Variants in ACTR3C observed in about 807,000 individuals in gnomAD.
The protein encoded by ACTR3C is actin related protein 3C.
ACTR3C carries 18 observed loss-of-function variants against 26.3 expected under a neutral mutation model. That is an observed-to-expected ratio of 0.68 (90% CI 0.47 to 1.01). The LOEUF (loss-of-function observed/expected upper bound fraction) is 1.01. Ranked by LOEUF, ACTR3C falls within the 50% of genes least tolerant of loss-of-function variation. ACTR3C has a pLI of 0.00. For synonymous variants in ACTR3C, 55 were observed against 94.5 expected (o/e 0.58, Z 2.42); for missense variants, 184 against 250.7 (o/e 0.73, Z 1.80).
At chr7:150,038,030 C>G in the ACTR3C span, among the ~76,000 whole-genome samples, 3 of 135,120 alleles carry the variant, frequency 2.2e-5, no homozygotes, top group Non-Finnish European at 3.2e-5. Flanking sequence ...ATGGTGGTCC[C>G]AAGAGCCATG....
At position 150,263,107 on chromosome 7, in the gene ACTR3C, G is replaced by A. The variant is rs549854754; in HGVS notation, c.565-14053C>T. Among the ~76,000 whole-genome samples, 5 of 152,096 alleles carry A rather than the reference G, an allele frequency of 3.3e-5. No individual in the cohort carries two copies. In the South Asian group the frequency reaches 6.3e-4, roughly 19 times the overall value. ...TATTTAGAGAAAACAGTAGGAAGTC[G>A]GAAGAGATGAGCACATTAAAGAAAT... On this transcript the variant is annotated intron_variant, in intron 6 of 7. Coordinates refer to ENST00000683684, the MANE Select transcript of ACTR3C (RefSeq NM_001164458.2).
the ACTR3C span, among the ~76,000 whole-genome samples, chr7:150,172,824 G>A: frequency 6.6e-6 from 1 of 150,640 alleles, no homozygotes; most frequent in Admixed American, 6.6e-5. Context: ...AAAGAAAGTG[G>A]TTACAGGGCC....
At chr7:150,209,871 A>G in the ACTR3C span, among the ~76,000 whole-genome samples, 1 of 147,062 alleles carries the variant, frequency 6.8e-6, no homozygotes, top group Non-Finnish European at 1.5e-5. Flanking sequence ...GTGGGCCGAG[A>G]TTGGGCCACT....
At chr7:150,115,660 T>G in the ACTR3C span, among the ~76,000 whole-genome samples, 1 of 152,256 alleles carries the variant, frequency 6.6e-6, no homozygotes, top group Non-Finnish European at 1.5e-5. Flanking sequence ...TCTTGAAACA[T>G]GGACCTCCAC....
chr7:150,091,857 G>C, the ACTR3C span, among the ~76,000 whole-genome samples: 1 of 150,314 alleles, frequency 6.7e-6, no homozygotes, highest in African/African-American at 2.4e-5. Context: ...GCGTGGTGGC[G>C]GGCGCCTGTA....
chr7:150,059,606 G>A, the ACTR3C span, among the ~76,000 whole-genome samples: 6 of 152,180 alleles, frequency 3.9e-5, no homozygotes, highest in African/African-American at 1.4e-4. Context: ...AAGGACAGAG[G>A]AGGAGGGAGA....
chr7:149,886,332 T>C, the ACTR3C span, among the ~76,000 whole-genome samples: 7 of 152,234 alleles, frequency 4.6e-5, no homozygotes, highest in Non-Finnish European at 1.0e-4. Flanking sequence ...TTTTTGTGTT[T>C]CCTGTCGAAT....
At chr7:149,960,490 G>A in the ACTR3C span, among the ~76,000 whole-genome samples, 1 of 152,138 alleles carries the variant, frequency 6.6e-6, no homozygotes, top group Non-Finnish European at 1.5e-5. Flanking sequence ...ATGTCTCCTA[G>A]GGAGAGGAAG....
the ACTR3C span, among the ~76,000 whole-genome samples, chr7:150,174,126 GCAATGCCC>G: frequency 1.4e-5 from 2 of 139,334 alleles, 1 homozygote; most frequent in African/African-American, 6.5e-5. Flanking sequence ...TATCTTTTCA[GCAATGCCC>G]CAATGTACTG....
the ACTR3C span, among the ~76,000 whole-genome samples, chr7:150,025,536 G>A: frequency 7.1e-4 from 108 of 152,046 alleles, 2 homozygotes; most frequent in African/African-American, 2.4e-3. Context: ...GTAAGACAAC[G>A]GTGTCCTCTT....
chr7:149,938,362 G>T, the ACTR3C span, among the ~76,000 whole-genome samples: 4 of 152,002 alleles, frequency 2.6e-5, no homozygotes, highest in South Asian at 2.1e-4. Context: ...GAGAGAAAAA[G>T]AATTCAAAAA....
At chr7:150,041,425 C>T in the ACTR3C span, 1,615 of 152,794 alleles carry the variant, frequency 0.011, 110 homozygotes, top group African/African-American at 0.019. Flanking sequence ...AAGATTTGAA[C>T]GTTCTACTTG....
chr7:150,123,720 A>G, the ACTR3C span, among the ~76,000 whole-genome samples: 1 of 152,148 alleles, frequency 6.6e-6, no homozygotes, highest in South Asian at 2.1e-4. Context: ...AAGAAAGAAA[A>G]CATGGAGATT....
the ACTR3C span, among the ~76,000 whole-genome samples, chr7:150,029,346 G>A: frequency 6.9e-6 from 1 of 145,738 alleles, no homozygotes; most frequent in Non-Finnish European, 1.5e-5. Flanking sequence ...GACTGCTTGA[G>A]CCCAGGAGTT....
chr7:150,039,044 G>A, the ACTR3C span, among the ~76,000 whole-genome samples: 3 of 138,150 alleles, frequency 2.2e-5, no homozygotes, highest in African/African-American at 8.2e-5. Context: ...CCCACGTAAG[G>A]TACCTGCTGT....
At chr7:150,181,920 A>G in the ACTR3C span, among the ~76,000 whole-genome samples, 1 of 150,574 alleles carries the variant, frequency 6.6e-6, no homozygotes, top group Admixed American at 6.6e-5. Context: ...TGTATCAGTG[A>G]ACAACACAAA....
chr7:150,076,112 C>T, the ACTR3C span, among the ~76,000 whole-genome samples: 2 of 151,920 alleles, frequency 1.3e-5, no homozygotes, highest in East Asian at 1.9e-4. Flanking sequence ...ACCACACCAC[C>T]TTTCAAAGGC....
the ACTR3C span, among the ~76,000 whole-genome samples, chr7:149,900,646 G>A: frequency 2.6e-5 from 4 of 152,082 alleles, no homozygotes; most frequent in East Asian, 1.9e-4. Context: ...TTCCTCTTGC[G>A]TTTTCTAAAT....
At chr7:150,033,309 C>T in the ACTR3C span, among the ~76,000 whole-genome samples, 1 of 152,184 alleles carries the variant, frequency 6.6e-6, no homozygotes, top group Non-Finnish European at 1.5e-5. Flanking sequence ...CTGGGCTTTG[C>T]GTTTGCTCTA....
Sources: allele counts gnomAD v4.1 joint callset (sites outside exome capture counted in the v4.1 genomes callset), GRCh38; gene constraint gnomAD v4.1.1; transcripts MANE v1.5; gene names NCBI Gene and HGNC (gene_info 2026-07-23, HGNC 2026-07-21).